The following RINL variants were observed in gnomAD, a reference collection of about 807,000 sequenced individuals.
RINL encodes the protein ras and Rab interactor-like protein.
A neutral mutation model predicts 58.1 loss-of-function variants in RINL; 39 were observed. That is an observed-to-expected ratio of 0.67 (90% CI 0.52 to 0.88). RINL has a LOEUF of 0.88. Ranked by LOEUF, RINL falls within the 40% of genes least tolerant of loss-of-function variation. RINL has a pLI of 0.00. For missense variants in RINL, 711 were observed against 749.2 expected (o/e 0.95, Z 0.60); for synonymous variants, 286 against 323.1 (o/e 0.89, Z 1.23).
chr19:38,873,954 G>C lies in RINL; in HGVS notation c.245C>G (p.Ala82Gly), dbSNP rs1345492975. ...TAAAGGTCCTGACCTCAACACCAGG[G>C]CCTGGCTGGGGTCACGTCCTGTGAC... ...FLVTGRDPSQ[A>G]LVLRSGPLPG... Residue 82 changes from alanine (A) to glycine (G), a missense_variant, in exon 4 of 12, where the codon GCC becomes GGC. Coordinates refer to ENST00000591812, the MANE Select transcript of RINL (RefSeq NM_001195833.2). The C allele has an allele frequency of 6.5e-7, 1 of 1,535,690 alleles. No homozygotes were observed. Among genetic ancestry groups the C allele is most frequent in the African/African-American group, 1.4e-5 (1 of 73,042 alleles).
chr19:38,876,093 T>C (rs913918150), intron 3 of RINL, among the ~76,000 whole-genome samples: 1 of 149,064 alleles, frequency 6.7e-6, no homozygotes, highest in Non-Finnish European at 1.5e-5. Context: ...AGGGTCTTGC[T>C]CCATCACCCA....
intron 2 of RINL, 35 bp from the exon 3 acceptor site, chr19:38,876,525 G>A: frequency 6.5e-7 from 1 of 1,532,260 alleles, no homozygotes; most frequent in South Asian, 1.2e-5. Context: ...TCAGGGGTCA[G>A]AGGTGGGCAG....
Position 38,868,981 on chromosome 19 carries a change from TG to T in RINL, c.*122del, listed in dbSNP as rs1972732216. On this transcript the variant is annotated 3_prime_UTR_variant, in exon 12 of 12. Coordinates refer to ENST00000591812, the MANE Select transcript of RINL (RefSeq NM_001195833.2). The stretch of plus-strand genomic sequence containing the variant: ...GCTAATTTTTGTTTTTTTTTTTTTT[TG>T]GTAGATGGGGGTCCCACTGTTTTGC... 62 of 813,108 alleles carry T rather than the reference TG, an allele frequency of 7.6e-5. No homozygotes were observed. Among genetic ancestry groups the T allele is most frequent in the South Asian group, 5.7e-4 (26 of 45,648 alleles). The allele number at this position is 813,108 out of a possible 1,614,324, so 50.4% of individuals were successfully genotyped here.
chr19:38,876,059 A>ATTT (rs5828019), intron 3 of RINL, among the ~76,000 whole-genome samples: 3,682 of 138,536 alleles, frequency 0.027, 169 homozygotes, highest in African/African-American at 0.094. Flanking sequence ...TTGAAATTAC[A>ATTT]TTTTTTTTTT....
chr19:38,871,108 C>A lies in RINL; in HGVS notation c.571G>T (p.Glu191Ter). ...WGREQTPQET[E>*]PEAAQRHDPA... ...TCATGTCTCTGAGCAGCCTCTGGCT[C>A]TGTTTCTTGAGGGGTCTGCTCCCTC... is the stretch of plus-strand genomic sequence containing the variant. Residue 191 changes from glutamate (E) to a stop codon, truncating the protein, a stop_gained, in exon 7 of 12, where the codon GAG (glutamate) becomes TAG (stop). Transcript: ENST00000591812. LOFTEE classifies it high-confidence loss of function. The A allele has an allele frequency of 6.2e-7, 1 of 1,609,966 alleles. No individual in the cohort carries two copies. Among genetic ancestry groups the A allele is most frequent in the Non-Finnish European group, 8.5e-7 (1 of 1,178,128 alleles).
In RINL at chr19:38,868,971, T is replaced by TG; in HGVS notation, c.*132_*133insC. 1.2e-6 allele frequency: 1 copy of TG among 801,984 alleles called. No individual in the cohort carries two copies. Among genetic ancestry groups the TG allele is most frequent in the Non-Finnish European group, 1.9e-6 (1 of 534,486 alleles). 49.7% of individuals were successfully genotyped at this position (801,984 alleles called of 1,614,324 possible). A position where few individuals can be genotyped will look rare whatever the true frequency, so the allele number is the denominator to read the frequency against. Reference sequence around the variant, plus strand: ...ACCACGCCCGGCTAATTTTTGTTTTTTTTTTTTTTTGGTAGATGGGGGTCC... The same window carrying TG: ...ACCACGCCCGGCTAATTTTTGTTTTTGTTTTTTTTTTGGTAGATGGGGGTCC... On this transcript the variant is annotated 3_prime_UTR_variant, in exon 12 of 12. Coordinates refer to ENST00000591812, the MANE Select transcript of RINL (RefSeq NM_001195833.2).
Position 38,870,599 on chromosome 19 carries a change from G to C in RINL, c.995C>G (p.Pro332Arg), listed in dbSNP as rs758187756. 64 of 1,599,246 alleles carry C rather than the reference G, an allele frequency of 4.0e-5. No individual in the cohort carries two copies. Among genetic ancestry groups the C allele is most frequent in the Non-Finnish European group, 5.5e-5 (64 of 1,172,120 alleles). ...YIRAVFGSRG[P>R]GLPKKDEDPG... ...ATCCTCGTCCTTCTTGGGGAGCCCA[G>C]GACCCCTGCTTCCAAAGACAGCCCT... Residue 332 changes from proline to arginine, a missense_variant, in exon 8 of 12, where the codon CCT becomes CGT. Pro to Arg is a moderately radical substitution (Grantham distance 103). Transcript: ENST00000591812. This position sits in a 1 kb window ranked among gnomAD's most constrained non-coding sequence, Gnocchi z 5.8.
At chr19:38,873,255 A>C (rs1279289035) in intron 4 of RINL, among the ~76,000 whole-genome samples, 1 of 152,144 alleles carries the variant, frequency 6.6e-6, no homozygotes, top group African/African-American at 2.4e-5. Flanking sequence ...AGACACACAG[A>C]GTGTAACAGT....
intron 3 of RINL, among the ~76,000 whole-genome samples, chr19:38,874,713 A>G (rs764867080): frequency 6.6e-6 from 1 of 152,202 alleles, no homozygotes; most frequent in Non-Finnish European, 1.5e-5. Context: ...CCTATTCCAC[A>G]TTCCTTGCAG....
rs911862293 is a variant in RINL, at chr19:38,870,052, G to T, written c.1233C>A (p.His411Gln). The T allele has an allele frequency of 5.2e-6, 8 of 1,539,870 alleles. No homozygotes were observed. The African/African-American group carries it at 9.8e-5, about 19-fold the overall frequency. The change falls in exon 9 of 12, where the codon CAC becomes CAA. Residue 411 changes from histidine to glutamine, a missense_variant. By Grantham distance (24) the His-to-Gln change is conservative. Transcript: ENST00000591812. This position sits in a 1 kb window ranked among gnomAD's most constrained non-coding sequence, Gnocchi z 5.8. ...CAGCGTGGAGGTGCGCAAGGCGCTC[G>T]TGGATGCGGCTCCGCAAGGCGGGGG... The part of the protein sequence containing the change: ...SPAPALRSRI[H>Q]ERLAHLHAAC...
Position 38,869,341 on chromosome 19 carries a change from C to T in RINL, c.1544G>A (p.Arg515His). ...HIAHYQPETD[R>H]APRGLSSEAR... is the part of the protein sequence containing the mutation. ...CTCGGAGCTGAGCCCCCGGGGAGCG[C>T]GGTCTGTTTCGGGCTGGTAGTGGGC... The change falls in exon 11 of 12, where the codon CGC becomes CAC. Residue 515 changes from arginine to histidine, a missense_variant. Coordinates refer to ENST00000591812, the MANE Select transcript of RINL (RefSeq NM_001195833.2). The surrounding 1 kb of genome is among the most constrained non-coding windows in gnomAD (Gnocchi z 5.7). 4.3e-6 allele frequency: 7 copies of T among 1,613,838 alleles called. No individual in the cohort carries two copies. Among genetic ancestry groups the T allele is most frequent in the Non-Finnish European group, 5.9e-6 (7 of 1,179,906 alleles).
intron 1 of RINL, among the ~76,000 whole-genome samples, chr19:38,877,049 G>T (rs1972945905): frequency 6.6e-6 from 1 of 152,194 alleles, no homozygotes; most frequent in Non-Finnish European, 1.5e-5. Context: ...GAGTAGTTGG[G>T]ATTACAGGCG....
chr19:38,877,782 T>TCCTCCCTC (rs371872589), intron 1 of RINL, among the ~76,000 whole-genome samples: 2 of 151,108 alleles, frequency 1.3e-5, no homozygotes, highest in African/African-American at 4.9e-5. Context: ...GGAGGATCCA[T>TCCTCCCTC]CCTCCCTCCC....
chr19:38,876,750 T>A lies in RINL; in HGVS notation c.-8A>T. On this transcript the variant is annotated 5_prime_UTR_variant, in exon 2 of 12. Transcript: ENST00000591812. ...GTCTTCTGGCTGGGCCATCGTCAGG[T>A]TGCAGGAAGCCAGTGAGTCATGACC... 6.5e-7 allele frequency: 1 copy of A among 1,536,002 alleles called. No homozygotes were observed. The highest frequency in any genetic ancestry group is 1.7e-4 in the Middle Eastern group (1 of 5,988).
chr19:38,871,969 C>A lies in RINL; in HGVS notation c.314-99G>T, dbSNP rs907810621. ...CTCCTCCATTCCTTCAGAATCCCCC[C>A]AGGGACCTTCAGAACAGGGAAGTTC... On this transcript the variant is annotated intron_variant, in intron 4 of 11. Coordinates refer to ENST00000591812, the MANE Select transcript of RINL (RefSeq NM_001195833.2). 4 of 886,792 alleles carry A rather than the reference C, an allele frequency of 4.5e-6. No individual in the cohort carries two copies. The African/African-American group carries it at 6.6e-5, about 15-fold the overall frequency. 54.9% of individuals were successfully genotyped at this position (886,792 alleles called of 1,614,324 possible).
In RINL at chr19:38,876,446, C is replaced by G; in HGVS notation, c.95G>C (p.Gly32Ala). 1 of 1,536,022 alleles carries G rather than the reference C, an allele frequency of 6.5e-7. No individual in the cohort carries two copies. The highest frequency in any genetic ancestry group is 1.2e-5 in the South Asian group (1 of 84,060). The change falls in exon 3 of 12, where the codon GGG becomes GCG. Residue 32 changes from glycine (G) to alanine (A), a missense_variant. By Grantham distance (60) the Gly-to-Ala change is moderately conservative. Transcript: ENST00000591812. ...QVNKADRTPLGVLSTLEPLTR... is the reference protein window; with the variant it reads ...QVNKADRTPLAVLSTLEPLTR... ...AAGTGGCTCTAGGGTGCTGAGGACC[C>G]CTAGAGGGGTCCTGTCTGCTTTGTT...
At chr19:38,872,459 C>G (rs1244304253) in intron 4 of RINL, among the ~76,000 whole-genome samples, 1 of 151,712 alleles carries the variant, frequency 6.6e-6, no homozygotes, top group Non-Finnish European at 1.5e-5. Context: ...GCACTCCAGC[C>G]TGGGCGACAA....
At position 38,870,915 on chromosome 19, in the gene RINL, C is replaced by T. The variant is rs748596055; in HGVS notation, c.679G>A (p.Ala227Thr). 1 of 1,604,978 alleles carries T rather than the reference C, an allele frequency of 6.2e-7. No homozygotes were observed. The highest frequency in any genetic ancestry group is 1.7e-5 in the Admixed American group (1 of 60,018). Residue 227 changes from alanine (A) to threonine (T), a missense_variant, in exon 8 of 12, where the codon GCT (alanine) becomes ACT (threonine). Coordinates refer to ENST00000591812, the MANE Select transcript of RINL (RefSeq NM_001195833.2). This position sits in a 1 kb window ranked among gnomAD's most constrained non-coding sequence, Gnocchi z 5.8. ...TCCTCTTCCAGTAGGCTGGCGAGAGCCGGCCCAGGATGGTCCACTTCCGGG... is the reference window on the plus strand; with the variant it reads ...TCCTCTTCCAGTAGGCTGGCGAGAGTCGGCCCAGGATGGTCCACTTCCGGG... ...LSPEVDHPGP[A>T]LASLLEEEEE...
At chr19:38,876,820 C>T in intron 1 of RINL, 39 bp from the exon 2 acceptor site, 1 of 1,164,422 alleles carries the variant, frequency 8.6e-7, no homozygotes, top group Non-Finnish European at 1.2e-6. Flanking sequence ...CTGCTCTAGC[C>T]CTCGGGTCAT....
Sources: allele counts gnomAD v4.1 joint callset (sites outside exome capture counted in the v4.1 genomes callset), GRCh38; gene constraint gnomAD v4.1.1; non-coding constraint Gnocchi (gnomAD v3.1); transcripts MANE v1.5; gene names NCBI Gene and HGNC (gene_info 2026-07-23, HGNC 2026-07-21).